The following CAPZB variants were observed in gnomAD, a reference collection of about 807,000 sequenced individuals.
CAPZB encodes F-actin-capping protein subunit beta.
Under a neutral mutation model 38.1 loss-of-function variants are expected in CAPZB, and 2 were observed. That is an observed-to-expected ratio of 0.05 (90% confidence interval 0.02 to 0.17). The LOEUF (loss-of-function observed/expected upper bound fraction) is 0.17. CAPZB is among the 10% of genes least tolerant of loss of function. CAPZB has a pLI of 1.00. For synonymous variants in CAPZB, 107 were observed against 127.4 expected, an observed-to-expected ratio of 0.84 and a Z score of 1.08; for missense variants, 161 against 334.2, an observed-to-expected ratio of 0.48 and a Z score of 4.04.
intron 4 of CAPZB, among the ~76,000 whole-genome samples, chr1:19,361,590 G>A (rs1318569829): frequency 5.9e-5 from 9 of 152,222 alleles, no homozygotes; most frequent in Admixed American, 2.0e-4. Flanking sequence ...TTTGCTCTGC[G>A]CGTGAAGCAT....
chr1:19,374,598 GAGCCCAGCCTGCTCTCA>G (rs2100403419), intron 4 of CAPZB: 1 of 152,430 alleles, frequency 6.6e-6, no homozygotes, highest in South Asian at 2.1e-4. Flanking sequence ...GCACAAGGGC[GAGCCCAGCCTGCTCTCA>G]AGGGGTGGCT....
chr1:19,377,017 C>T lies in CAPZB; in HGVS notation c.329+1523G>A, dbSNP rs990861071. Among the ~76,000 whole-genome samples, 4 of 152,360 alleles carry T rather than the reference C, an allele frequency of 2.6e-5. No homozygotes were observed. The South Asian group carries it at 8.3e-4, about 32-fold the overall frequency. ...GAGACAGAGAATACCTGGAGGCCCA[C>T]TTGCATGGCCACTGGTAACTGTTAT... On this transcript the variant is annotated intron_variant, in intron 4 of 8. Coordinates refer to ENST00000264202, the MANE Select transcript of CAPZB (RefSeq NM_004930.5).
chr1:19,342,928 A>AG (rs1337314365), intron 8 of CAPZB: 3 of 971,112 alleles, frequency 3.1e-6, no homozygotes, highest in East Asian at 2.4e-5. Flanking sequence ...CCAGGAACGC[A>AG]GGGGGCCACA....
At chr1:19,439,020 T>C (rs2094467281) in intron 1 of CAPZB, among the ~76,000 whole-genome samples, 1 of 152,224 alleles carries the variant, frequency 6.6e-6, no homozygotes. Flanking sequence ...TCAGTTGGGA[T>C]TCATTCTTAC....
At chr1:19,482,300 T>C (rs1015671813) in intron 1 of CAPZB, among the ~76,000 whole-genome samples, 2 of 152,232 alleles carry the variant, frequency 1.3e-5, no homozygotes, top group African/African-American at 2.4e-5. Context: ...CAGGGCTGTA[T>C]AGACAGACAA....
At chr1:19,404,517 C>G (rs1370112393) in intron 2 of CAPZB, among the ~76,000 whole-genome samples, 1 of 143,012 alleles carries the variant, frequency 7.0e-6, no homozygotes, top group African/African-American at 2.6e-5. Flanking sequence ...GTACTCCAGC[C>G]TGGGTGACAG....
chr1:19,357,640 C>A lies in CAPZB; in HGVS notation c.330-77G>T. ...GCCTGGGTCCCAGGCTGCTGCTCAG[C>A]AAAGATTCTGGGATTCAGGGCCCTC... On this transcript the variant is annotated intron_variant, in intron 4 of 8. Transcript: ENST00000264202. The surrounding 1 kb of genome is among the most constrained non-coding windows in gnomAD (Gnocchi z 4.3). 1 of 1,485,000 alleles carries A rather than the reference C, an allele frequency of 6.7e-7. No homozygotes were observed. Among genetic ancestry groups the A allele is most frequent in the Non-Finnish European group, 9.3e-7 (1 of 1,075,144 alleles). 92.0% of individuals were successfully genotyped at this position (1,485,000 alleles called of 1,614,324 possible).
chr1:19,344,529 G>A (rs2093950214), intron 7 of CAPZB, 95 bp from the exon 8 acceptor site: 1 of 958,402 alleles, frequency 1.0e-6, no homozygotes, highest in Non-Finnish European at 1.7e-6. Context: ...CCCCAGTGTG[G>A]CCACTGGAGG....
intron 2 of CAPZB, among the ~76,000 whole-genome samples, chr1:19,405,976 C>T (rs375082456): frequency 1.8e-4 from 27 of 152,320 alleles, no homozygotes; most frequent in African/African-American, 6.3e-4. Context: ...TGCAAAGGGA[C>T]TCATTTTGGT....
chr1:19,429,846 T>A (rs1030761933), intron 1 of CAPZB, among the ~76,000 whole-genome samples: 79 of 151,972 alleles, frequency 5.2e-4, no homozygotes, highest in African/African-American at 1.9e-3. Flanking sequence ...CAGCACTCAC[T>A]CCACACAACC....
intron 6 of CAPZB, among the ~76,000 whole-genome samples, chr1:19,350,075 C>T (rs937402745): frequency 4.6e-5 from 7 of 152,160 alleles, no homozygotes; most frequent in Non-Finnish European, 2.9e-5. Flanking sequence ...CCCCAGCAGG[C>T]GCCTCTCCTC....
intron 3 of CAPZB, among the ~76,000 whole-genome samples, chr1:19,382,049 A>C (rs1259958642): frequency 6.6e-6 from 1 of 152,078 alleles, no homozygotes; most frequent in Non-Finnish European, 1.5e-5. Context: ...GACCGTTCCC[A>C]CAGTTCGATG....
chr1:19,342,791 G>A (rs770163864), intron 8 of CAPZB: 20 of 1,612,010 alleles, frequency 1.2e-5, no homozygotes, highest in Admixed American at 5.0e-5. Context: ...TAGATCTGGC[G>A]CTGGGTCAGC....
At chr1:19,342,695 G>A in intron 8 of CAPZB, 7 of 1,073,914 alleles carry the variant, frequency 6.5e-6, no homozygotes, top group Non-Finnish European at 9.9e-6. Flanking sequence ...CAGGGTCTCG[G>A]CGGGTTGGTG....
At chr1:19,362,315 C>T (rs780869461) in intron 4 of CAPZB, among the ~76,000 whole-genome samples, 20 of 152,178 alleles carry the variant, frequency 1.3e-4, no homozygotes, top group Non-Finnish European at 2.2e-4. Context: ...CAGCTCACTG[C>T]GACCTCCACT....
At chr1:19,454,396 ACT>A (rs1558277292) in intron 1 of CAPZB, among the ~76,000 whole-genome samples, 1 of 151,402 alleles carries the variant, frequency 6.6e-6, no homozygotes, top group Non-Finnish European at 1.5e-5. Context: ...GATCTTTAAA[ACT>A]CTTTTCCAGA....
At chr1:19,481,452 C>A (rs1421293211) in intron 1 of CAPZB, among the ~76,000 whole-genome samples, 1 of 152,172 alleles carries the variant, frequency 6.6e-6, no homozygotes, top group African/African-American at 2.4e-5. Flanking sequence ...CTTGGGCTGA[C>A]AGGGATCCGA....
intron 1 of CAPZB, among the ~76,000 whole-genome samples, chr1:19,421,089 T>C (rs2094399485): frequency 6.6e-6 from 1 of 152,222 alleles, no homozygotes; most frequent in African/African-American, 2.4e-5. Flanking sequence ...AAGCAGCCAC[T>C]ATCTGATTTG....
At chr1:19,463,015 G>A (rs1279818902) in intron 1 of CAPZB, among the ~76,000 whole-genome samples, 2 of 152,220 alleles carry the variant, frequency 1.3e-5, no homozygotes, top group African/African-American at 4.8e-5. Flanking sequence ...CAGCACAGCT[G>A]CAAAGAGAAG....
Sources: gnomAD v4.1 joint callset for allele counts (sites outside exome capture counted in the v4.1 genomes callset) on GRCh38, gnomAD v4.1.1 for gene constraint, Gnocchi (gnomAD v3.1) non-coding constraint, MANE v1.5 for transcripts, NCBI Gene and HGNC (gene_info 2026-07-23, HGNC 2026-07-21) for gene names.